Variants in CHD1L observed in about 807,000 individuals in gnomAD.
CHD1L encodes the protein ATP-dependent chromatin remodeler CHD1L.
CHD1L carries 118 observed loss-of-function variants against 115.9 expected under a neutral mutation model. That is an observed-to-expected ratio of 1.02 (90% CI 0.88 to 1.19). The LOEUF is 1.19. Ranked by LOEUF, CHD1L falls within the 50% of genes most tolerant of loss-of-function variation. The probability of loss-of-function intolerance (pLI) is 0.00; values close to 1 mark genes in which losing one functional copy is unlikely to be tolerated. For missense variants in CHD1L, 1,179 were observed against 1,065.3 expected, an observed-to-expected ratio of 1.11 and a Z score of -1.49; for synonymous variants, 411 against 387.1, an observed-to-expected ratio of 1.06 and a Z score of -0.72.
the CHD1L span, chr1:147,175,285 T>C: frequency 2.0e-5 from 3 of 152,202 alleles, no homozygotes. Flanking sequence ...TGTAAACACA[T>C]ATATGTCTTT....
At chr1:147,292,169 C>G (rs924125520) in intron 20 of CHD1L, among the ~76,000 whole-genome samples, 3 of 152,178 alleles carry the variant, frequency 2.0e-5, no homozygotes, top group Non-Finnish European at 4.4e-5. Context: ...ATAGTACTAG[C>G]TCATAAGAAA....
At chr1:147,262,418 T>C (rs1672285206) in intron 6 of CHD1L, among the ~76,000 whole-genome samples, 1 of 152,160 alleles carries the variant, frequency 6.6e-6, no homozygotes, top group South Asian at 2.1e-4. Context: ...GGTCTCTGAA[T>C]CTTTACCCAG....
At chr1:147,203,403 C>A in the CHD1L span, 1 of 938,910 alleles carries the variant, frequency 1.1e-6, no homozygotes, top group Non-Finnish European at 1.8e-6. Flanking sequence ...GTTTGATAGA[C>A]CAGTGTTTTC....
At chr1:147,294,276 C>T in intron 21 of CHD1L, 133 bp from the exon 22 acceptor site, 1 of 508,952 alleles carries the variant, frequency 2.0e-6, no homozygotes, top group Non-Finnish European at 3.3e-6. Flanking sequence ...ACAATTCTTC[C>T]CCCGGAATAT....
chr1:147,270,666 T>A (rs587675361), intron 10 of CHD1L, among the ~76,000 whole-genome samples: 1 of 152,322 alleles, frequency 6.6e-6, no homozygotes, highest in South Asian at 2.1e-4. Context: ...CTAGGGCTTA[T>A]ATCCCCTGTT....
chr1:147,219,195 A>G, the CHD1L span, among the ~76,000 whole-genome samples: 1 of 152,196 alleles, frequency 6.6e-6, no homozygotes, highest in Non-Finnish European at 1.5e-5. Context: ...ATGAAGTACA[A>G]AGGGAACTGT....
chr1:147,174,446 A>T, the CHD1L span: 1 of 152,254 alleles, frequency 6.6e-6, no homozygotes, highest in Non-Finnish European at 1.5e-5. Context: ...CCTAGCAGAA[A>T]CAAAGTACGT....
At chr1:147,284,883 G>A (rs1009407630) in intron 16 of CHD1L, among the ~76,000 whole-genome samples, 6 of 152,120 alleles carry the variant, frequency 3.9e-5, no homozygotes, top group African/African-American at 1.2e-4. Flanking sequence ...GGCAGTTAAC[G>A]TGGTCATTAA....
chr1:147,287,557 T>C, intron 18 of CHD1L, 78 bp from the exon 19 acceptor site: 1 of 970,116 alleles, frequency 1.0e-6, no homozygotes. Context: ...ACAAGTCCCT[T>C]TTGTGTGCCT....
chr1:147,212,397 T>A, the CHD1L span: 1 of 1,613,890 alleles, frequency 6.2e-7, no homozygotes, highest in South Asian at 1.1e-5. Context: ...TCAAACCTGC[T>A]TGGCTGTTTG....
chr1:147,199,874 A>G, the CHD1L span, among the ~76,000 whole-genome samples: 1 of 152,186 alleles, frequency 6.6e-6, no homozygotes, highest in Non-Finnish European at 1.5e-5. Context: ...TCACTAGTGA[A>G]AACAAAAAAG....
At chr1:147,186,678 T>C in the CHD1L span, 2 of 1,365,186 alleles carry the variant, frequency 1.5e-6, no homozygotes, top group Non-Finnish European at 1.9e-6. Context: ...GTCTAGGGAT[T>C]ACCACAAGGA....
chr1:147,187,153 A>G, the CHD1L span: 4 of 1,614,156 alleles, frequency 2.5e-6, no homozygotes. Flanking sequence ...GGCCAGAGAC[A>G]GCAGATTGGG....
the CHD1L span, among the ~76,000 whole-genome samples, chr1:147,198,850 C>CAAAA: frequency 6.5e-3 from 327 of 50,332 alleles, no homozygotes; most frequent in East Asian, 0.013. Flanking sequence ...GACTGCATCT[C>CAAAA]AAAAAAAAAA....
In CHD1L at chr1:147,295,471, C is replaced by A. The variant is rs782103548; in HGVS notation, c.2656C>A (p.Gln886Lys). Residue 886 changes from glutamine (Q) to lysine (K), a missense_variant, in exon 23 of 23, where the codon CAG becomes AAG. Gln to Lys is a moderately conservative substitution (Grantham distance 53). Transcript: ENST00000369258. ...PRSKSAVLHS[Q>K]SSSSSSRQLV... The stretch of plus-strand genomic sequence containing the variant: ...AAGCAAGTCTGCTGTCCTTCATTCA[C>A]AGTCTTCATCTTCCTCCTCAAGACA... 4.3e-6 allele frequency: 7 copies of A among 1,611,592 alleles called. No individual in the cohort carries two copies. The highest frequency in any genetic ancestry group is 5.9e-6 in the Non-Finnish European group (7 of 1,178,606).
At chr1:147,219,849 T>TC in the CHD1L span, among the ~76,000 whole-genome samples, 1 of 150,046 alleles carries the variant, frequency 6.7e-6, no homozygotes, top group East Asian at 1.9e-4. Context: ...GCTTTTTTTT[T>TC]TTTTTTTGAG....
intron 19 of CHD1L, 133 bp from the exon 20 acceptor site, chr1:147,291,349 G>A (rs1685456472): frequency 1.4e-6 from 1 of 712,154 alleles, no homozygotes; most frequent in Admixed American, 2.2e-5. Flanking sequence ...CTGAGGCCAG[G>A]AAAGTGAGAA....
At chr1:147,265,904 A>G (rs782433641) in intron 7 of CHD1L, 28 bp from the exon 8 acceptor site, 7 of 1,591,142 alleles carry the variant, frequency 4.4e-6, no homozygotes, top group East Asian at 4.5e-5. Flanking sequence ...TTTGTCCCAC[A>G]CTTCTTGTAT....
chr1:147,175,281 C>G, the CHD1L span: 1 of 152,180 alleles, frequency 6.6e-6, no homozygotes, highest in Non-Finnish European at 1.5e-5. Context: ...AACCTGTAAA[C>G]ACATATATGT....
Sources: allele counts gnomAD v4.1 joint callset (sites outside exome capture counted in the v4.1 genomes callset), GRCh38; gene constraint gnomAD v4.1.1; transcripts MANE v1.5; gene names NCBI Gene and HGNC (gene_info 2026-07-23, HGNC 2026-07-21).